The following NR2C1 variants were observed in gnomAD, a reference collection of about 807,000 sequenced individuals.
NR2C1 encodes TR2 nuclear hormone receptor.
In NR2C1, 33 loss-of-function variants were observed where a neutral mutation model predicts 74.8. The ratio of observed to expected loss-of-function variants is 0.44; its 90% CI spans 0.33 to 0.59. The LOEUF (loss-of-function observed/expected upper bound fraction) is 0.59, where lower values mean the gene tolerates loss of function less well. Ranked by LOEUF, NR2C1 falls within the 20% of genes least tolerant of loss-of-function variation. The pLI, the probability that NR2C1 is intolerant of heterozygous loss-of-function variation, is 0.02. For synonymous variants in NR2C1, 225 were observed against 240.6 expected (o/e 0.94, Z 0.60); for missense variants, 568 against 715.6 (o/e 0.79, Z 2.35).
chr12:95,067,809 T>C (rs1875946379), intron 1 of NR2C1, among the ~76,000 whole-genome samples: 1 of 151,844 alleles, frequency 6.6e-6, no homozygotes, highest in Non-Finnish European at 1.5e-5. Flanking sequence ...GCAATCTTCC[T>C]GTCTCGACCT....
At chr12:95,070,002 G>A (rs776512148) in intron 1 of NR2C1, among the ~76,000 whole-genome samples, 10 of 152,194 alleles carry the variant, frequency 6.6e-5, no homozygotes, top group Non-Finnish European at 1.3e-4. Context: ...AAGTAATGGT[G>A]TAAGTTAAGG....
At chr12:95,041,952 G>C (rs1327146360) in intron 9 of NR2C1, among the ~76,000 whole-genome samples, 1 of 152,100 alleles carries the variant, frequency 6.6e-6, no homozygotes, top group African/African-American at 2.4e-5. Flanking sequence ...ATATATGTGG[G>C]CATTAAAATT....
At chr12:95,035,860 T>TG (rs1466016520) in intron 10 of NR2C1, among the ~76,000 whole-genome samples, 5 of 152,220 alleles carry the variant, frequency 3.3e-5, no homozygotes, top group African/African-American at 9.6e-5. Flanking sequence ...CAGCAGGCAA[T>TG]GGCTTAGATG....
In NR2C1 at chr12:95,052,847, A is replaced by G. The variant is rs372052347; in HGVS notation, c.784-904T>C. ...CCTAGGATGCCAACTTTTGCCAAAC[A>G]TTGTGTTAATTAAATGTGTTAAAAG... On this transcript the variant is annotated intron_variant, in intron 7 of 13. Transcript: ENST00000333003. 1.0e-3 allele frequency among the ~76,000 whole-genome samples: 157 copies of G among 152,338 alleles called. 1 individual carries two copies. Among genetic ancestry groups the G allele is most frequent in the African/African-American group, 3.6e-3 (151 of 41,572 alleles).
intron 7 of NR2C1, among the ~76,000 whole-genome samples, chr12:95,054,489 A>C (rs1184056762): frequency 6.6e-6 from 1 of 151,924 alleles, no homozygotes; most frequent in East Asian, 1.9e-4. Context: ...TTATTTTTAG[A>C]GACAGAGTCT....
At chr12:95,033,552 G>A (rs1387337333) in intron 10 of NR2C1, among the ~76,000 whole-genome samples, 1 of 151,676 alleles carries the variant, frequency 6.6e-6, no homozygotes, top group Non-Finnish European at 1.5e-5. Context: ...AATAAAAATT[G>A]TTAAGTGAAT....
At chr12:95,060,580 A>C (rs1874641843) in intron 3 of NR2C1, among the ~76,000 whole-genome samples, 1 of 152,194 alleles carries the variant, frequency 6.6e-6, no homozygotes, top group Admixed American at 6.5e-5. Flanking sequence ...GCTTGAACCC[A>C]GGCGGCAGAG....
chr12:95,043,441 C>A (rs1871856432), intron 9 of NR2C1, among the ~76,000 whole-genome samples: 1 of 152,128 alleles, frequency 6.6e-6, no homozygotes, highest in South Asian at 2.1e-4. Context: ...GTAATCCCAG[C>A]ACTCTGGGAG....
chr12:95,053,681 G>GTTTT lies in NR2C1; in HGVS notation c.784-1742_784-1739dup, dbSNP rs550069594. On this transcript the variant is annotated intron_variant, in intron 7 of 13. Transcript: ENST00000333003. ...TTCTTCATGGTTTTTTCTTTTTGGT[G>GTTTT]TTTTTTTTTTTTTTTTTTTTTGAGA... Among the ~76,000 whole-genome samples the GTTTT allele has an allele frequency of 3.9e-3, 405 of 103,370 alleles. 6 individuals carry two copies. The highest frequency in any genetic ancestry group is 6.9e-3 in the East Asian group (25 of 3,644). The allele number at this position is 103,370 out of a possible 152,430, so 67.8% of individuals were successfully genotyped here. A position where few individuals can be genotyped will look rare whatever the true frequency, so the allele number is the denominator to read the frequency against.
At chr12:95,066,476 G>A (rs1453781136) in intron 2 of NR2C1, among the ~76,000 whole-genome samples, 4 of 152,080 alleles carry the variant, frequency 2.6e-5, no homozygotes, top group Non-Finnish European at 4.4e-5. Flanking sequence ...ATTCAGCTTC[G>A]TATTTATTGG....
At chr12:95,064,644 T>C (rs1410566472) in intron 2 of NR2C1, among the ~76,000 whole-genome samples, 1 of 152,180 alleles carries the variant, frequency 6.6e-6, no homozygotes, top group African/African-American at 2.4e-5. Context: ...CCATCTGCCA[T>C]CTGGGGGGGA....
intron 4 of NR2C1, 64 bp downstream of exon 4, chr12:95,059,842 C>A (rs1565869817): frequency 8.6e-7 from 1 of 1,165,156 alleles, no homozygotes; most frequent in African/African-American, 1.6e-5. Context: ...GTTATTTCAA[C>A]AACACGACAC....
Position 95,020,332 on chromosome 12 carries a change from T to C in NR2C1, c.*1897A>G, listed in dbSNP as rs1310499581. 4.6e-5 allele frequency: 7 copies of C among 152,192 alleles called. No individual in the cohort carries two copies. The highest frequency in any genetic ancestry group is 2.0e-4 in the Admixed American group (3 of 15,282). The allele number at this position is 152,192 out of a possible 1,614,324, so 9.4% of individuals were successfully genotyped here. ...TAGTTTTAAAGTCTTCCAAATATAG[T>C]AGCAAATTTAATCAGAAAAAACACC... is the stretch of plus-strand genomic sequence containing the variant. On this transcript the variant is annotated 3_prime_UTR_variant, in exon 14 of 14. Coordinates refer to ENST00000333003, the MANE Select transcript of NR2C1 (RefSeq NM_003297.4).
intron 9 of NR2C1, among the ~76,000 whole-genome samples, 193 bp downstream of exon 9, chr12:95,048,875 T>C (rs1592758868): frequency 6.6e-6 from 1 of 152,100 alleles, no homozygotes; most frequent in Non-Finnish European, 1.5e-5. Flanking sequence ...CTGCCCACCT[T>C]GGCCTCCCAA....
At chr12:95,034,540 T>A (rs80277898) in intron 10 of NR2C1, among the ~76,000 whole-genome samples, 1 of 152,174 alleles carries the variant, frequency 6.6e-6, no homozygotes. Flanking sequence ...CCATCGAAAG[T>A]TGAAATGTGC....
intron 5 of NR2C1, 131 bp downstream of exon 5, chr12:95,058,179 A>G (rs1056006774): frequency 1.5e-5 from 12 of 806,282 alleles, no homozygotes; most frequent in Non-Finnish European, 1.9e-5. Flanking sequence ...GTAGGTCTGT[A>G]TTCTTATATT....
At chr12:95,031,585 TA>T in intron 10 of NR2C1, 97 bp from the exon 11 acceptor site, 1 of 830,282 alleles carries the variant, frequency 1.2e-6, no homozygotes. Context: ...AGCATATTAC[TA>T]AACTAAAATT....
chr12:95,072,285 C>A (rs1001965206), intron 1 of NR2C1, among the ~76,000 whole-genome samples: 56 of 131,748 alleles, frequency 4.3e-4, no homozygotes, highest in African/African-American at 1.7e-3. Context: ...AAAACAAAAA[C>A]AAAAACAAAA....
chr12:95,066,239 C>T (rs769043501), intron 2 of NR2C1, among the ~76,000 whole-genome samples: 2 of 152,156 alleles, frequency 1.3e-5, no homozygotes, highest in Non-Finnish European at 1.5e-5. Flanking sequence ...CAGCACCTCA[C>T]GCCTGTAATC....
Sources: gnomAD v4.1 joint callset for allele counts (sites outside exome capture counted in the v4.1 genomes callset) on GRCh38, gnomAD v4.1.1 for gene constraint, MANE v1.5 for transcripts, NCBI Gene and HGNC (gene_info 2026-07-23, HGNC 2026-07-21) for gene names.